Variants in MRTFA observed in about 807,000 individuals in gnomAD.
The protein encoded by MRTFA is myocardin related transcription factor A.
A neutral mutation model predicts 83.5 loss-of-function variants in MRTFA; 20 were observed. That is an observed-to-expected ratio of 0.24 (90% CI 0.17 to 0.35). MRTFA has a LOEUF of 0.35. MRTFA is among the 10% of genes least tolerant of loss of function. The pLI is 1.00. For synonymous variants in MRTFA, 659 were observed against 541.2 expected, an observed-to-expected ratio of 1.22 and a Z score of -3.02; for missense variants, 1,200 against 1,224.7, an observed-to-expected ratio of 0.98 and a Z score of 0.30.
chr22:40,606,052 TC>T (rs151172682), intron 1 of MRTFA, among the ~76,000 whole-genome samples: 36 of 152,304 alleles, frequency 2.4e-4, no homozygotes, highest in Non-Finnish European at 4.3e-4. Flanking sequence ...ATATAACCTT[TC>T]TTCCTCCTGC....
At chr22:40,453,376 C>T (rs767906193) in intron 4 of MRTFA, among the ~76,000 whole-genome samples, 2 of 152,124 alleles carry the variant, frequency 1.3e-5, no homozygotes, top group African/African-American at 2.4e-5. Context: ...CTGACGGAAG[C>T]GGGAGTCCGA....
intron 3 of MRTFA, among the ~76,000 whole-genome samples, chr22:40,537,181 C>T (rs2055199007): frequency 3.4e-5 from 1 of 29,716 alleles, no homozygotes; most frequent in Admixed American, 3.9e-4. Context: ...CCCGGCCGCC[C>T]CTACTGGGAA....
chr22:40,529,731 G>A (rs1183225477), intron 3 of MRTFA, among the ~76,000 whole-genome samples: 1 of 152,164 alleles, frequency 6.6e-6, no homozygotes, highest in Admixed American at 6.5e-5. Context: ...TGAGTGTATA[G>A]GTTGTGCTGT....
intron 4 of MRTFA, among the ~76,000 whole-genome samples, chr22:40,461,299 C>T (rs545702708): frequency 6.7e-6 from 1 of 150,078 alleles, no homozygotes; most frequent in South Asian, 2.1e-4. Flanking sequence ...GACCCTATCA[C>T]TATTGTGGTA....
intron 1 of MRTFA, among the ~76,000 whole-genome samples, chr22:40,617,120 C>T (rs954563553): frequency 2.1e-5 from 3 of 139,660 alleles, no homozygotes; most frequent in South Asian, 2.3e-4. Context: ...AAAAGCAAGA[C>T]GAAAGAAAGA....
At chr22:40,582,167 G>C (rs983186579) in intron 2 of MRTFA, among the ~76,000 whole-genome samples, 2 of 152,182 alleles carry the variant, frequency 1.3e-5, no homozygotes, top group Non-Finnish European at 2.9e-5. Context: ...GGATCATACA[G>C]TATGTGGTCC....
chr22:40,488,657 C>A (rs1387229036), intron 3 of MRTFA, among the ~76,000 whole-genome samples: 1 of 151,964 alleles, frequency 6.6e-6, no homozygotes, highest in Non-Finnish European at 1.5e-5. Context: ...CGTGGTGAAA[C>A]CCTGTCTCTA....
chr22:40,525,539 A>G (rs1257106394), intron 3 of MRTFA, among the ~76,000 whole-genome samples: 30 of 152,162 alleles, frequency 2.0e-4, no homozygotes, highest in Admixed American at 2.0e-3. Context: ...CCAAAACTAC[A>G]ATGTACACTT....
chr22:40,600,262 T>C (rs2056243667), intron 1 of MRTFA, among the ~76,000 whole-genome samples: 1 of 152,088 alleles, frequency 6.6e-6, no homozygotes, highest in South Asian at 2.1e-4. Context: ...GAAATGCGAA[T>C]CCATGCAAAG....
At chr22:40,535,839 C>T (rs550236917) in intron 3 of MRTFA, among the ~76,000 whole-genome samples, 15 of 152,100 alleles carry the variant, frequency 9.9e-5, no homozygotes, top group Non-Finnish European at 2.2e-4. Context: ...GCATGTAATG[C>T]CACAGTGTCA....
chr22:40,564,055 G>A (rs185105951), intron 2 of MRTFA, among the ~76,000 whole-genome samples: 4 of 152,262 alleles, frequency 2.6e-5, no homozygotes, highest in Admixed American at 2.0e-4. Flanking sequence ...AATCTTTGTC[G>A]CGTTAATAAT....
At chr22:40,492,814 A>C (rs1223801622) in intron 3 of MRTFA, among the ~76,000 whole-genome samples, 1 of 152,272 alleles carries the variant, frequency 6.6e-6, no homozygotes, top group Non-Finnish European at 1.5e-5. Context: ...TGATGTGGGA[A>C]CCATAAACGT....
At chr22:40,620,371 G>A (rs1469194440) in intron 1 of MRTFA, among the ~76,000 whole-genome samples, 7 of 149,490 alleles carry the variant, frequency 4.7e-5, no homozygotes, top group East Asian at 2.0e-4. Flanking sequence ...TGATACACCC[G>A]TCTCAACCTC....
chr22:40,512,468 G>A (rs764853937), intron 3 of MRTFA, among the ~76,000 whole-genome samples: 3 of 152,084 alleles, frequency 2.0e-5, no homozygotes, highest in Non-Finnish European at 4.4e-5. Context: ...TTCCACTCAG[G>A]GTACCTTGGT....
intron 2 of MRTFA, chr22:40,586,912 G>GTGCTGC: frequency 2.3e-6 from 1 of 429,876 alleles, no homozygotes; most frequent in Non-Finnish European, 4.7e-6. Context: ...GGTGCTGCTG[G>GTGCTGC]TGCTGGTGCT....
At chr22:40,571,921 C>CAAA (rs557782525) in intron 2 of MRTFA, among the ~76,000 whole-genome samples, 356 of 16,894 alleles carry the variant, frequency 0.021, no homozygotes, top group Non-Finnish European at 0.027. Context: ...AAGACTCTGT[C>CAAA]AAAAAAAAAA....
chr22:40,623,575 G>A lies in MRTFA; in HGVS notation c.-84+12903C>T, dbSNP rs5995882. 5.8e-3 allele frequency among the ~76,000 whole-genome samples: 877 copies of A among 151,580 alleles called. 18 individuals are homozygous for A. In the Middle Eastern group the frequency reaches 0.072, roughly 12 times the overall value. Reference sequence around the variant, plus strand: ...TTATTGAGCATCTACTATACTTCACGCCTGGCACTATTCTGGATGCTGAGA... The same window carrying A: ...TTATTGAGCATCTACTATACTTCACACCTGGCACTATTCTGGATGCTGAGA... On this transcript the variant is annotated intron_variant, in intron 1 of 14. Transcript: ENST00000355630.
At chr22:40,518,076 A>G (rs1437494189) in intron 3 of MRTFA, among the ~76,000 whole-genome samples, 1 of 151,946 alleles carries the variant, frequency 6.6e-6, no homozygotes, top group African/African-American at 2.4e-5. Flanking sequence ...CTCATAGCTC[A>G]CCCTATGCTT....
intron 4 of MRTFA, among the ~76,000 whole-genome samples, chr22:40,457,436 G>GAGAAAGAAAGAA (rs555469044): frequency 0.078 from 9,356 of 119,596 alleles, 384 homozygotes; most frequent in East Asian, 0.11. Context: ...AAGAAAGAAA[G>GAGAAAGAAAGAA]AGAAAGAAAG....
Sources: allele counts gnomAD v4.1 joint callset (sites outside exome capture counted in the v4.1 genomes callset), GRCh38; gene constraint gnomAD v4.1.1; transcripts MANE v1.5; gene names NCBI Gene and HGNC (gene_info 2026-07-23, HGNC 2026-07-21).